Variants in TPRG1 observed in about 807,000 individuals in gnomAD.
The protein encoded by TPRG1 is tumor protein p63 regulated 1.
In TPRG1, 29 loss-of-function variants were observed where a neutral mutation model predicts 29.3. The observed-to-expected ratio is 0.99, with a 90% CI of 0.74 to 1.35. The LOEUF (loss-of-function observed/expected upper bound fraction) is 1.35, where lower values mean the gene tolerates loss of function less well. Among genes scored for constraint, TPRG1 ranks in the 40% most tolerant of loss-of-function variants. TPRG1 has a pLI of 0.00. For missense variants in TPRG1, 327 were observed against 335.0 expected (o/e 0.98, Z 0.19); for synonymous variants, 130 against 116.8 (o/e 1.11, Z -0.73).
At chr3:189,008,133 G>A (rs1230639935) in intron 3 of TPRG1, among the ~76,000 whole-genome samples, 1 of 151,906 alleles carries the variant, frequency 6.6e-6, no homozygotes, top group Non-Finnish European at 1.5e-5. Context: ...GAGACAGCAG[G>A]CATCAGTTAA....
intron 4 of TPRG1, among the ~76,000 whole-genome samples, chr3:189,305,966 TAG>T (rs1473555218): frequency 6.6e-6 from 1 of 152,176 alleles, no homozygotes; most frequent in Non-Finnish European, 1.5e-5. Flanking sequence ...TCCTTGAGGA[TAG>T]AAAGTGGGAA....
rs1733118170 is a variant in TPRG1 at position 189,199,582 on chromosome 3, G to A, written c.-9-7794G>A. On this transcript the variant is annotated intron_variant, in intron 1 of 5. Coordinates refer to ENST00000345063, the MANE Select transcript of TPRG1 (RefSeq NM_198485.4). ...GGGCCGGGCCCGATGGCTTACGCCTGTAATCCCAGCACTTTTGGGAAGCCG... is the reference window on the plus strand; with the variant it reads ...GGGCCGGGCCCGATGGCTTACGCCTATAATCCCAGCACTTTTGGGAAGCCG... Among the ~76,000 whole-genome samples, 3 of 152,230 alleles carry A rather than the reference G, an allele frequency of 2.0e-5. No individual in the cohort carries two copies. In the South Asian group the frequency reaches 6.2e-4, roughly 31 times the overall value.
intron 4 of TPRG1, among the ~76,000 whole-genome samples, chr3:189,299,874 G>A (rs1389587312): frequency 6.6e-6 from 1 of 152,156 alleles, no homozygotes. Flanking sequence ...GCTGTGAGGG[G>A]TTGTGGTTTT....
chr3:189,149,650 T>C (rs942439085), intron 4 of TPRG1, among the ~76,000 whole-genome samples: 1 of 152,140 alleles, frequency 6.6e-6, no homozygotes, highest in African/African-American at 2.4e-5. Flanking sequence ...CCAAACAGCA[T>C]TTCCTCTCAT....
chr3:189,235,583 G>T (rs999995129), intron 3 of TPRG1, among the ~76,000 whole-genome samples: 1 of 152,150 alleles, frequency 6.6e-6, no homozygotes, highest in African/African-American at 2.4e-5. Flanking sequence ...GGCGGAAAAA[G>T]ACAGTCTTGA....
chr3:189,132,185 A>G (rs577221030), intron 2 of TPRG1, among the ~76,000 whole-genome samples: 105 of 152,290 alleles, frequency 6.9e-4, no homozygotes, highest in African/African-American at 2.3e-3. Flanking sequence ...CCCAAAAGAA[A>G]GGTCATTTTT....
intron 4 of TPRG1, among the ~76,000 whole-genome samples, chr3:189,291,516 T>G (rs956733582): frequency 6.6e-6 from 1 of 152,224 alleles, no homozygotes; most frequent in Admixed American, 6.5e-5. Context: ...CCATCATTAT[T>G]ATCATCACTG....
At chr3:189,084,303 A>G (rs902645490) in intron 4 of TPRG1, among the ~76,000 whole-genome samples, 14 of 152,346 alleles carry the variant, frequency 9.2e-5, no homozygotes, top group Non-Finnish European at 2.1e-4. Context: ...TAAAGTACCA[A>G]TAGAAATACC....
chr3:189,098,584 G>GT (rs1014696623), upstream of TPRG1, among the ~76,000 whole-genome samples: 40 of 151,504 alleles, frequency 2.6e-4, no homozygotes, highest in Admixed American at 5.3e-4. Context: ...GTGTTCAGAG[G>GT]TTTTTTTTTC....
upstream of TPRG1, among the ~76,000 whole-genome samples, chr3:189,099,175 C>G (rs1718901744): frequency 6.6e-6 from 1 of 152,130 alleles, no homozygotes. Flanking sequence ...ACAAGCGGCG[C>G]TCCCCTACCC....
chr3:189,173,149 A>G (rs1008617352), intron 1 of TPRG1, among the ~76,000 whole-genome samples: 12 of 151,940 alleles, frequency 7.9e-5, no homozygotes, highest in African/African-American at 2.2e-4. Flanking sequence ...TCAAAAGGTT[A>G]TATCATTCTT....
intron 1 of TPRG1, among the ~76,000 whole-genome samples, chr3:189,185,468 C>T (rs1235794895): frequency 6.6e-6 from 1 of 152,136 alleles, no homozygotes; most frequent in Non-Finnish European, 1.5e-5. Flanking sequence ...TCAAGCGATC[C>T]CCCAATCTCG....
At chr3:189,041,682 G>A (rs1318162042) in intron 4 of TPRG1, among the ~76,000 whole-genome samples, 1 of 152,118 alleles carries the variant, frequency 6.6e-6, no homozygotes, top group Non-Finnish European at 1.5e-5. Flanking sequence ...CTGGTGATGG[G>A]GCCCTCTGGT....
At chr3:189,219,704 C>G in intron 3 of TPRG1, 1 of 1,264,050 alleles carries the variant, frequency 7.9e-7, no homozygotes, top group Non-Finnish European at 1.0e-6. Flanking sequence ...GTTAAAGAGA[C>G]AGGAGGAGAC....
At chr3:189,176,772 C>T (rs1729540745) in intron 1 of TPRG1, among the ~76,000 whole-genome samples, 4 of 152,108 alleles carry the variant, frequency 2.6e-5, no homozygotes, top group South Asian at 2.1e-4. Flanking sequence ...AAAAATAAGG[C>T]GTGGAACGAA....
At chr3:189,056,563 C>T (rs1481613206) in intron 4 of TPRG1, among the ~76,000 whole-genome samples, 1 of 152,180 alleles carries the variant, frequency 6.6e-6, no homozygotes, top group Non-Finnish European at 1.5e-5. Flanking sequence ...TCCATGATTA[C>T]ACCATTTTCC....
At chr3:189,268,517 AATT>A (rs1560627536) in intron 4 of TPRG1, among the ~76,000 whole-genome samples, 2 of 152,202 alleles carry the variant, frequency 1.3e-5, no homozygotes, top group African/African-American at 2.4e-5. Flanking sequence ...GTTGCCTAAG[AATT>A]CCTGCAGAGG....
At chr3:189,254,071 T>G (rs923700117) in intron 4 of TPRG1, among the ~76,000 whole-genome samples, 2 of 152,204 alleles carry the variant, frequency 1.3e-5, no homozygotes, top group African/African-American at 2.4e-5. Context: ...TTGCTTTTGG[T>G]GTTTTAGTCA....
At chr3:189,251,262 AG>A (rs1560606626) in intron 4 of TPRG1, among the ~76,000 whole-genome samples, 1 of 151,810 alleles carries the variant, frequency 6.6e-6, no homozygotes, top group Admixed American at 6.6e-5. Context: ...AATAAAACAG[AG>A]TTTTGTTTTA....
Sources: allele counts gnomAD v4.1 joint callset (sites outside exome capture counted in the v4.1 genomes callset), GRCh38; gene constraint gnomAD v4.1.1; transcripts MANE v1.5; gene names NCBI Gene and HGNC (gene_info 2026-07-23, HGNC 2026-07-21).